Variants in UNC13C observed in about 807,000 individuals in gnomAD.
UNC13C encodes the protein unc-13 homolog C.
A neutral mutation model predicts 245.4 loss-of-function variants in UNC13C; 174 were observed. The observed-to-expected ratio is 0.71, with a 90% confidence interval of 0.63 to 0.80. The LOEUF (loss-of-function observed/expected upper bound fraction) is 0.80, where lower values mean the gene tolerates loss of function less well. Ranked by LOEUF, UNC13C falls within the 30% of genes least tolerant of loss-of-function variation. The pLI is 0.00. For missense variants in UNC13C, 2,829 were observed against 2,602.9 expected (o/e 1.09, Z -1.89); for synonymous variants, 992 against 895.1 (o/e 1.11, Z -1.93).
chr15:54,465,289 C>T (rs1892107751), intron 19 of UNC13C, among the ~76,000 whole-genome samples: 2 of 152,038 alleles, frequency 1.3e-5, no homozygotes, highest in East Asian at 1.9e-4. Flanking sequence ...CCAGAAAATA[C>T]TTAAATGTTA....
chr15:54,311,215 A>G (rs1231216598), intron 13 of UNC13C, among the ~76,000 whole-genome samples: 4 of 151,720 alleles, frequency 2.6e-5, no homozygotes, highest in Non-Finnish European at 4.4e-5. Context: ...TTGGCTGTCA[A>G]CCATTTGTTT....
In UNC13C at chr15:54,014,614, A is replaced by C; in HGVS notation, c.1711A>C (p.Thr571Pro). Residue 571 changes from threonine to proline, a missense_variant, in exon 2 of 33, where the codon ACT becomes CCT. By Grantham distance (38) the Thr-to-Pro change is conservative. Transcript: ENST00000260323. ...SEDFSENQFFTRTNGSSLLSS... is the reference protein window; with the variant it reads ...SEDFSENQFFPRTNGSSLLSS... ...AGATTTTTCAGAAAATCAGTTTTTC[A>C]CTAGAACTAATGGAAGCTCTCTCCT... 6.2e-7 allele frequency: 1 copy of C among 1,613,702 alleles called. No individual in the cohort carries two copies. Among genetic ancestry groups the C allele is most frequent in the Non-Finnish European group, 8.5e-7 (1 of 1,179,808 alleles).
chr15:54,607,572 T>G (rs188354871), intron 30 of UNC13C, among the ~76,000 whole-genome samples: 4 of 152,276 alleles, frequency 2.6e-5, no homozygotes, highest in Admixed American at 2.6e-4. Flanking sequence ...ATTCTCACAC[T>G]GCTATAAAGA....
At chr15:54,008,603 G>C (rs1306484857) in intron 1 of UNC13C, among the ~76,000 whole-genome samples, 2 of 152,108 alleles carry the variant, frequency 1.3e-5, no homozygotes, top group Non-Finnish European at 2.9e-5. Context: ...TGGAGCTTTG[G>C]AATTCAAGTA....
At chr15:53,905,399 T>TACACACACACAC in the UNC13C span, among the ~76,000 whole-genome samples, 15,963 of 123,324 alleles carry the variant, frequency 0.13, 1,053 homozygotes, top group Non-Finnish European at 0.17. Context: ...TATTACTTTA[T>TACACACACACAC]ACACACACAC....
chr15:54,041,450 C>T (rs903318416), intron 2 of UNC13C, among the ~76,000 whole-genome samples: 3 of 152,112 alleles, frequency 2.0e-5, no homozygotes, highest in African/African-American at 7.2e-5. Flanking sequence ...CTAAAAATGA[C>T]TGTCAAGACT....
intron 17 of UNC13C, among the ~76,000 whole-genome samples, chr15:54,380,781 G>A (rs967037360): frequency 1.3e-5 from 2 of 152,174 alleles, no homozygotes; most frequent in Non-Finnish European, 1.5e-5. Flanking sequence ...ATCTGTTTAG[G>A]TTCTTTGCCC....
intron 18 of UNC13C, among the ~76,000 whole-genome samples, chr15:54,394,596 C>A (rs867111661): frequency 6.6e-6 from 1 of 151,808 alleles, no homozygotes; most frequent in Admixed American, 6.6e-5. Flanking sequence ...GGGAGACCGA[C>A]AACTTGTTTC....
intron 13 of UNC13C, among the ~76,000 whole-genome samples, chr15:54,303,729 G>C (rs1357387433): frequency 6.6e-6 from 1 of 151,634 alleles, no homozygotes; most frequent in Admixed American, 6.6e-5. Context: ...TGTGCCCAAG[G>C]TGGTCGGGGC....
chr15:54,367,784 A>G (rs913003678), intron 17 of UNC13C, among the ~76,000 whole-genome samples: 3 of 152,130 alleles, frequency 2.0e-5, no homozygotes, highest in Non-Finnish European at 4.4e-5. Flanking sequence ...CTGTGATGGT[A>G]GATATATTTT....
At chr15:54,430,159 A>G (rs1297292059) in intron 19 of UNC13C, among the ~76,000 whole-genome samples, 5 of 151,696 alleles carry the variant, frequency 3.3e-5, no homozygotes, top group East Asian at 1.9e-4. Flanking sequence ...TTCAGATTCT[A>G]TATTCAGATT....
chr15:54,524,705 A>C (rs1895370531), intron 24 of UNC13C, among the ~76,000 whole-genome samples: 1 of 143,866 alleles, frequency 7.0e-6, no homozygotes, highest in African/African-American at 3.0e-5. Context: ...TTTAGTTGGC[A>C]TTCTTAGATT....
At chr15:54,594,821 C>A (rs1026525421) in intron 30 of UNC13C, among the ~76,000 whole-genome samples, 4 of 152,346 alleles carry the variant, frequency 2.6e-5, no homozygotes, top group African/African-American at 9.6e-5. Flanking sequence ...CAGCCCCACA[C>A]CACCCAGTGG....
intron 2 of UNC13C, among the ~76,000 whole-genome samples, chr15:54,125,078 A>C (rs1395274691): frequency 1.3e-5 from 2 of 152,094 alleles, no homozygotes; most frequent in African/African-American, 4.8e-5. Context: ...AATCCCTCCC[A>C]TTTTATTCTT....
At chr15:54,284,969 C>A (rs1270257988) in intron 10 of UNC13C, among the ~76,000 whole-genome samples, 1 of 151,988 alleles carries the variant, frequency 6.6e-6, no homozygotes, top group Non-Finnish European at 1.5e-5. Context: ...GATTTATAAT[C>A]TAATTGTGGG....
chr15:54,579,129 A>G (rs2141235599), intron 30 of UNC13C, among the ~76,000 whole-genome samples: 1 of 152,274 alleles, frequency 6.6e-6, no homozygotes, highest in South Asian at 2.1e-4. Flanking sequence ...AAAATAGGCA[A>G]GTGTTAGTGA....
At chr15:54,131,726 G>C (rs1034286899) in intron 2 of UNC13C, among the ~76,000 whole-genome samples, 2 of 152,116 alleles carry the variant, frequency 1.3e-5, no homozygotes, top group African/African-American at 4.8e-5. Context: ...ATCCCCGCAG[G>C]AATAAGGGCT....
chr15:54,418,825 C>G (rs758115194), intron 19 of UNC13C, among the ~76,000 whole-genome samples: 1 of 152,098 alleles, frequency 6.6e-6, no homozygotes, highest in Non-Finnish European at 1.5e-5. Context: ...TTCTTGCCTC[C>G]TTTCATCTTT....
chr15:54,262,916 T>C (rs1020392401), intron 8 of UNC13C, among the ~76,000 whole-genome samples: 1 of 152,194 alleles, frequency 6.6e-6, no homozygotes, highest in Non-Finnish European at 1.5e-5. Flanking sequence ...TAAGTAAAGT[T>C]AATAGTTGAC....
Sources: allele counts gnomAD v4.1 joint callset (sites outside exome capture counted in the v4.1 genomes callset), GRCh38; gene constraint gnomAD v4.1.1; transcripts MANE v1.5; gene names NCBI Gene and HGNC (gene_info 2026-07-23, HGNC 2026-07-21).